Variants in ZNF618 observed in about 807,000 individuals in gnomAD.
The protein encoded by ZNF618 is zinc finger protein 618.
In ZNF618, 34 loss-of-function variants were observed where a neutral mutation model predicts 103.0. That is an observed-to-expected ratio of 0.33 (90% CI 0.25 to 0.44). ZNF618 has a LOEUF of 0.44. Ranked by LOEUF, ZNF618 falls within the 20% of genes least tolerant of loss-of-function variation. ZNF618 has a pLI of 1.00. For synonymous variants in ZNF618, 551 were observed against 542.2 expected (o/e 1.02, Z -0.23); for missense variants, 1,059 against 1,295.4 (o/e 0.82, Z 2.80).
intron 1 of ZNF618, among the ~76,000 whole-genome samples, chr9:113,879,613 C>G (rs1292989789): frequency 6.6e-6 from 1 of 151,558 alleles, no homozygotes; most frequent in Non-Finnish European, 1.5e-5. Context: ...TTTATTAGCT[C>G]CTGTCTGTTC....
intron 2 of ZNF618, among the ~76,000 whole-genome samples, chr9:113,974,487 G>A (rs1838301048): frequency 6.6e-6 from 1 of 152,210 alleles, no homozygotes; most frequent in African/African-American, 2.4e-5. Flanking sequence ...GTTTTAAAAG[G>A]ATCATTCTGG....
intron 9 of ZNF618, among the ~76,000 whole-genome samples, chr9:114,015,426 G>T (rs1298932276): frequency 6.6e-6 from 1 of 152,146 alleles, no homozygotes; most frequent in Non-Finnish European, 1.5e-5. Context: ...AGTAAAATCA[G>T]TGTAATATAG....
rs575186686 is a variant in ZNF618, at chr9:114,048,731, A to G, written c.1429A>G (p.Met477Val). The part of the protein sequence containing the change: ...QNIAERLLRV[M>V]CADLGALSVV... ...CATCGCAGAGCGGCTGTTGAGGGTCATGTGTGCCGACCTGGGTGCACTGAG... is the reference window on the plus strand; with the variant it reads ...CATCGCAGAGCGGCTGTTGAGGGTCGTGTGTGCCGACCTGGGTGCACTGAG... The change falls in exon 15 of 15, where the codon ATG becomes GTG. Residue 477 changes from methionine (M) to valine (V), a missense_variant. Met to Val is a conservative substitution (Grantham distance 21, BLOSUM62 1). This residue lies in a region of ZNF618 where 434 missense variants were observed against 476.0 expected (regional missense o/e 0.91). Coordinates refer to ENST00000374126, the MANE Select transcript of ZNF618 (RefSeq NM_001318042.2). 11 of 1,613,924 alleles carry G rather than the reference A, an allele frequency of 6.8e-6. No homozygotes were observed. In the Admixed American group the frequency reaches 1.5e-4, roughly 22 times the overall value.
At chr9:113,911,618 C>T (rs76733833) in intron 1 of ZNF618, among the ~76,000 whole-genome samples, 6 of 152,212 alleles carry the variant, frequency 3.9e-5, no homozygotes, top group South Asian at 2.1e-4. Flanking sequence ...CGTGAGCCAC[C>T]GTGCCTGGCC....
At chr9:113,978,429 AGGCAGGT>A (rs1838683954) in intron 2 of ZNF618, among the ~76,000 whole-genome samples, 1 of 152,212 alleles carries the variant, frequency 6.6e-6, no homozygotes, top group Admixed American at 6.5e-5. Context: ...GGAGAGAGAG[AGGCAGGT>A]GGCAAGCGCA....
intron 6 of ZNF618, 57 bp downstream of exon 6, chr9:114,002,719 A>T: frequency 1.3e-6 from 2 of 1,588,206 alleles, no homozygotes; most frequent in Non-Finnish European, 8.6e-7. Flanking sequence ...GGGTGGGATG[A>T]AGAGGAGCTG....
rs572379326 is a variant in ZNF618, at chr9:113,897,070, TG to T, written c.33+20659del. On this transcript the variant is annotated intron_variant, in intron 1 of 14. Transcript: ENST00000374126. Reference sequence around the variant, plus strand: ...AAAAATAGCTACTATGTATTTCTTTTGGATATCATGCTTTCTTATACTTAAA... The same window carrying T: ...AAAAATAGCTACTATGTATTTCTTTTGATATCATGCTTTCTTATACTTAAA... Among the ~76,000 whole-genome samples, 465 of 152,322 alleles carry T rather than the reference TG, an allele frequency of 3.1e-3. 4 individuals carry two copies. In the Middle Eastern group the frequency reaches 0.037, roughly 12 times the overall value.
chr9:113,935,822 G>T (rs1431671199), intron 1 of ZNF618, among the ~76,000 whole-genome samples: 2 of 152,168 alleles, frequency 1.3e-5, no homozygotes, highest in Admixed American at 1.3e-4. Flanking sequence ...TGGATCACAT[G>T]CCTGCTTACT....
Position 114,002,630 on chromosome 9 carries a change from A to G in ZNF618, c.518A>G (p.Glu173Gly). ...TCTCTCTCTCTCTTTGCAGACACCG[A>G]AGCCACCTCAGGGGAGGGAGCCTCC... ...QTHVRAHRDT[E>G]ATSGEGASQS... is the part of the protein sequence containing the mutation. Residue 173 changes from glutamate (E) to glycine (G), a missense_variant, in exon 6 of 15, where the codon GAA (glutamate) becomes GGA (glycine). Glu to Gly is a moderately conservative substitution (Grantham distance 98, BLOSUM62 -2). Transcript: ENST00000374126. The G allele has an allele frequency of 1.2e-6, 2 of 1,610,724 alleles. No homozygotes were observed. The highest frequency in any genetic ancestry group is 1.7e-6 in the Non-Finnish European group (2 of 1,179,622).
Position 113,886,471 on chromosome 9 carries a change from T to A in ZNF618, c.33+10058T>A, listed in dbSNP as rs369556696. Among the ~76,000 whole-genome samples the A allele has an allele frequency of 8.5e-5, 13 of 152,220 alleles. No individual in the cohort carries two copies. In the South Asian group the frequency reaches 2.5e-3, roughly 29 times the overall value. On this transcript the variant is annotated intron_variant, in intron 1 of 14. Transcript: ENST00000374126. ...AGAATAAAAGAATAGACGAAGACAT[T>A]TTTGGATGTTGGGGAATTTTTTTTT... is the stretch of plus-strand genomic sequence containing the variant.
At position 114,052,856 on chromosome 9, in the gene ZNF618, A is replaced by T. The variant is rs1488030068; in HGVS notation, c.*2689A>T. The T allele has an allele frequency of 6.6e-6, 1 of 152,246 alleles. No homozygotes were observed. The highest frequency in any genetic ancestry group is 2.4e-5 in the African/African-American group (1 of 41,470). The allele number at this position is 152,246 out of a possible 1,614,324, so 9.4% of individuals were successfully genotyped here. ...GAGCACTCAGCATTCTTCTCTTTGA[A>T]GCATGGGATGTCTGTCCTCCAGGAA... On this transcript the variant is annotated 3_prime_UTR_variant, in exon 15 of 15. Coordinates refer to ENST00000374126, the MANE Select transcript of ZNF618 (RefSeq NM_001318042.2).
At chr9:113,891,093 A>G (rs1312030616) in intron 1 of ZNF618, among the ~76,000 whole-genome samples, 1 of 152,102 alleles carries the variant, frequency 6.6e-6, no homozygotes, top group African/African-American at 2.4e-5. Context: ...GTTAAATGCA[A>G]TGTTTACTTT....
chr9:113,934,547 C>T (rs1263577504), intron 1 of ZNF618, among the ~76,000 whole-genome samples: 3 of 152,204 alleles, frequency 2.0e-5, no homozygotes, highest in African/African-American at 7.2e-5. Context: ...CACCAAAGCA[C>T]ATCTGTCCTT....
At chr9:113,988,972 A>G (rs1283605261) in intron 3 of ZNF618, among the ~76,000 whole-genome samples, 1 of 152,206 alleles carries the variant, frequency 6.6e-6, no homozygotes, top group Admixed American at 6.5e-5. Flanking sequence ...GGTGCTGCTC[A>G]GAGCAGTACC....
At chr9:114,043,721 G>T (rs760609420) in intron 13 of ZNF618, among the ~76,000 whole-genome samples, 3 of 152,064 alleles carry the variant, frequency 2.0e-5, no homozygotes, top group African/African-American at 4.8e-5. Flanking sequence ...ATTATTTTTT[G>T]ATTTTTAAAT....
intron 9 of ZNF618, among the ~76,000 whole-genome samples, chr9:114,011,968 A>T (rs984959723): frequency 1.3e-5 from 2 of 152,030 alleles, no homozygotes. Context: ...GTCTGGAGTC[A>T]TGTATGGGTT....
chr9:113,892,159 G>A (rs2131041480), intron 1 of ZNF618, among the ~76,000 whole-genome samples: 1 of 152,262 alleles, frequency 6.6e-6, no homozygotes, highest in Non-Finnish European at 1.5e-5. Context: ...TGTGAACATG[G>A]TTGTCCCTTA....
At chr9:113,876,445 CG>C in intron 1 of ZNF618, 32 bp downstream of exon 1, 1 of 1,191,014 alleles carries the variant, frequency 8.4e-7, no homozygotes. Flanking sequence ...ATGCACCGCG[CG>C]GGGGACCCCG....
chr9:114,029,977 T>G (rs1331019234), intron 11 of ZNF618, among the ~76,000 whole-genome samples: 2 of 152,202 alleles, frequency 1.3e-5, no homozygotes, highest in Non-Finnish European at 2.9e-5. Context: ...CCGGGACTTG[T>G]GGGTTGTAGG....
Sources: allele counts gnomAD v4.1 joint callset (sites outside exome capture counted in the v4.1 genomes callset), GRCh38; gene constraint gnomAD v4.1.1; regional missense constraint gnomAD v4.1.1; transcripts MANE v1.5; gene names NCBI Gene and HGNC (gene_info 2026-07-23, HGNC 2026-07-21).